RGMB: variants seen among roughly 807,000 people sequenced by gnomAD.
RGMB encodes repulsive guidance molecule B.
A neutral mutation model predicts 26.9 loss-of-function variants in RGMB; 16 were observed. The observed-to-expected ratio is 0.60, with a 90% CI of 0.40 to 0.90. The LOEUF (loss-of-function observed/expected upper bound fraction) is 0.90. RGMB is among the 40% of genes least tolerant of loss of function. The pLI, the probability that RGMB is intolerant of heterozygous loss-of-function variation, is 0.00. For synonymous variants in RGMB, 225 were observed against 229.3 expected (o/e 0.98, Z 0.17); for missense variants, 512 against 573.3 (o/e 0.89, Z 1.09).
At chr5:98,780,992 C>T (rs998081156) in intron 2 of RGMB, 5 of 152,220 alleles carry the variant, frequency 3.3e-5, no homozygotes, top group Non-Finnish European at 7.3e-5. Context: ...AAACCACACA[C>T]ATAGACCATC....
intron 1 of RGMB, among the ~76,000 whole-genome samples, chr5:98,774,888 T>G (rs966038329): frequency 6.6e-6 from 1 of 152,106 alleles, no homozygotes; most frequent in African/African-American, 2.4e-5. Flanking sequence ...GGTCGGCGCT[T>G]CCCCAGCCTT....
At chr5:98,773,608 G>T, upstream of RGMB, 1 of 263,642 alleles carries the variant, frequency 3.8e-6, no homozygotes, top group Non-Finnish European at 7.1e-6. Context: ...GCGGGCACAG[G>T]GCGGGGCGGG....
intron 1 of RGMB, among the ~76,000 whole-genome samples, chr5:98,776,824 C>A (rs1388564449): frequency 6.6e-6 from 1 of 152,206 alleles, no homozygotes; most frequent in African/African-American, 2.4e-5. Context: ...CTGTGGCTCA[C>A]GCCTGTAATC....
chr5:98,774,731 A>G (rs1746337817), intron 1 of RGMB, among the ~76,000 whole-genome samples: 1 of 152,180 alleles, frequency 6.6e-6, no homozygotes, highest in African/African-American at 2.4e-5. Context: ...AAGTAACGTC[A>G]ACTTTTTTGA....
intron 2 of RGMB, among the ~76,000 whole-genome samples, chr5:98,781,513 C>T (rs184344694): frequency 6.6e-5 from 10 of 152,128 alleles, no homozygotes; most frequent in African/African-American, 4.8e-5. Flanking sequence ...ATAAGAGAAA[C>T]GATGGCCCCA....
At chr5:98,792,112 G>C (rs1334581681) in intron 2 of RGMB, among the ~76,000 whole-genome samples, 1 of 152,204 alleles carries the variant, frequency 6.6e-6, no homozygotes, top group Non-Finnish European at 1.5e-5. Context: ...CCCTGTCGCA[G>C]GGATTAGCCA....
intron 2 of RGMB, among the ~76,000 whole-genome samples, chr5:98,785,205 G>T (rs2112362452): frequency 6.6e-6 from 1 of 152,270 alleles, no homozygotes; most frequent in South Asian, 2.1e-4. Flanking sequence ...TTAATTTGGT[G>T]CTGCATTTGA....
intron 2 of RGMB, among the ~76,000 whole-genome samples, chr5:98,782,596 G>A (rs1458020171): frequency 6.6e-6 from 1 of 152,174 alleles, no homozygotes; most frequent in Non-Finnish European, 1.5e-5. Flanking sequence ...GTGGTCAAGT[G>A]TTTTTAATAA....
At position 98,787,058 on chromosome 5, in the gene RGMB, T is replaced by G. The variant is rs367945135; in HGVS notation, c.646-6027T>G. On this transcript the variant is annotated intron_variant, in intron 2 of 2. Transcript: ENST00000513185. ...TTTCCATTTAAGACATGTGTGTGCA[T>G]GCACAGATGTACATGCATGTGCTTT... Among the ~76,000 whole-genome samples the G allele has an allele frequency of 1.6e-4, 24 of 152,330 alleles. No individual in the cohort carries two copies. The East Asian group carries it at 4.2e-3, about 27-fold the overall frequency.
intron 2 of RGMB, among the ~76,000 whole-genome samples, chr5:98,785,682 TAATTA>T (rs772476085): frequency 2.0e-5 from 3 of 152,230 alleles, no homozygotes; most frequent in Non-Finnish European, 4.4e-5. Context: ...CGCCAGTTCT[TAATTA>T]AATTCATTTT....
At position 98,793,557 on chromosome 5, in the gene RGMB, T is replaced by A; in HGVS notation, c.1118T>A (p.Val373Asp). Residue 373 changes from valine (V) to aspartate (D), a missense_variant, in exon 3 of 3, where the codon GTC becomes GAC. Val to Asp is a radical substitution (Grantham distance 152). Coordinates refer to ENST00000513185, the MANE Select transcript of RGMB (RefSeq NM_001366508.1). ...PVKDIYFQSCVFDLLTTGDAN... is the reference protein window; with the variant it reads ...PVKDIYFQSCDFDLLTTGDAN... ...AAGGACATCTATTTCCAGTCCTGTG[T>A]CTTCGACCTGCTCACCACTGGTGAT... 6.2e-7 allele frequency: 1 copy of A among 1,614,022 alleles called. No individual in the cohort carries two copies.
At chr5:98,771,380 T>C (rs1746158091), upstream of RGMB, among the ~76,000 whole-genome samples, 1 of 152,154 alleles carries the variant, frequency 6.6e-6, no homozygotes, top group Non-Finnish European at 1.5e-5. Context: ...CGTTTGTAAC[T>C]TGCAGCTCAC....
intron 2 of RGMB, 37 bp downstream of exon 2, chr5:98,780,125 C>A: frequency 1.3e-6 from 2 of 1,557,690 alleles, no homozygotes; most frequent in Non-Finnish European, 1.7e-6. Flanking sequence ...CCCTACTCAA[C>A]TTTCAAAAGA....
At chr5:98,790,012 AT>A (rs1746879332) in intron 2 of RGMB, among the ~76,000 whole-genome samples, 1 of 152,228 alleles carries the variant, frequency 6.6e-6, no homozygotes, top group Non-Finnish European at 1.5e-5. Flanking sequence ...AGAATTAAGA[AT>A]GAATAAATTT....
rs1462177041 is a variant in RGMB, at chr5:98,795,796, AAAT to A, written c.*2048_*2050del. 10 of 152,226 alleles carry A rather than the reference AAAT, an allele frequency of 6.6e-5. No individual in the cohort carries two copies. The highest frequency in any genetic ancestry group is 6.5e-4 in the Admixed American group (10 of 15,292). The allele number at this position is 152,226 out of a possible 1,614,324, so 9.4% of individuals were successfully genotyped here. Reference sequence around the variant, plus strand: ...CGGAGGATAACCACTATTTTTGTGCAAATAATATGAAAGTGAAGTAAAAGCAAT... The same window carrying A: ...CGGAGGATAACCACTATTTTTGTGCAAATATGAAAGTGAAGTAAAAGCAAT... On this transcript the variant is annotated 3_prime_UTR_variant, in exon 3 of 3. Transcript: ENST00000513185.
upstream of RGMB, among the ~76,000 whole-genome samples, chr5:98,772,331 TG>T (rs1393188855): frequency 6.6e-6 from 1 of 152,198 alleles, no homozygotes; most frequent in African/African-American, 2.4e-5. Flanking sequence ...CAATTCAAAA[TG>T]TGTCTAATAA....
intron 2 of RGMB, among the ~76,000 whole-genome samples, chr5:98,786,718 A>G (rs1746775909): frequency 6.6e-6 from 1 of 152,212 alleles, no homozygotes; most frequent in Non-Finnish European, 1.5e-5. Context: ...TCATACTGAC[A>G]AGGAAGCTGG....
chr5:98,790,282 G>C (rs1425446803), intron 2 of RGMB, among the ~76,000 whole-genome samples: 2 of 152,154 alleles, frequency 1.3e-5, no homozygotes, highest in Non-Finnish European at 2.9e-5. Flanking sequence ...ACCCCCCTCA[G>C]CATTTTGATT....
At chr5:98,769,129 G>T (rs1346064955), upstream of RGMB, among the ~76,000 whole-genome samples, 1 of 152,180 alleles carries the variant, frequency 6.6e-6, no homozygotes, top group Non-Finnish European at 1.5e-5. Context: ...TGGGGGGAAG[G>T]CGAAGAGAGA....
Sources: gnomAD v4.1 joint callset for allele counts (sites outside exome capture counted in the v4.1 genomes callset) on GRCh38, gnomAD v4.1.1 for gene constraint, MANE v1.5 for transcripts, NCBI Gene and HGNC (gene_info 2026-07-23, HGNC 2026-07-21) for gene names.